Variants in HS3ST4 observed in about 807,000 individuals in gnomAD.
HS3ST4 encodes the protein heparan sulfate glucosamine 3-O-sulfotransferase 4.
A neutral mutation model predicts 29.2 loss-of-function variants in HS3ST4; 17 were observed. The observed-to-expected ratio is 0.58, with a 90% CI of 0.40 to 0.87. The LOEUF (loss-of-function observed/expected upper bound fraction) is 0.87. Ranked by LOEUF, HS3ST4 falls within the 40% of genes least tolerant of loss-of-function variation. The probability of loss-of-function intolerance (pLI) is 0.00; values close to 1 mark genes in which losing one functional copy is unlikely to be tolerated. For synonymous variants in HS3ST4, 314 were observed against 285.7 expected (o/e 1.10, Z -1.00); for missense variants, 627 against 634.5 (o/e 0.99, Z 0.13).
In HS3ST4 at chr16:26,124,677, A is replaced by C. The variant is rs184812440; in HGVS notation, c.735-10935A>C. On this transcript the variant is annotated intron_variant, in intron 1 of 1. Transcript: ENST00000331351. Reference sequence around the variant, plus strand: ...ACCAGAGAAAGTGCCACTTGCCCTGAATCCAACAAGCCAGTTTCTCTTTGG... The same window carrying C: ...ACCAGAGAAAGTGCCACTTGCCCTGCATCCAACAAGCCAGTTTCTCTTTGG... 1.9e-3 allele frequency among the ~76,000 whole-genome samples: 296 copies of C among 152,350 alleles called. 2 individuals are homozygous for C. The South Asian group carries it at 0.022, about 11-fold the overall frequency.
At chr16:25,929,530 G>A (rs1484947897) in intron 1 of HS3ST4, among the ~76,000 whole-genome samples, 1 of 152,186 alleles carries the variant, frequency 6.6e-6, no homozygotes, top group Non-Finnish European at 1.5e-5. Context: ...GAAGACCAAA[G>A]ACAGGAAGAC....
chr16:25,749,378 C>T (rs978019706), intron 1 of HS3ST4, among the ~76,000 whole-genome samples: 5 of 152,072 alleles, frequency 3.3e-5, no homozygotes, highest in Non-Finnish European at 7.4e-5. Context: ...ACCTGTAGTT[C>T]CAGCTACTTG....
At position 25,692,796 on chromosome 16, in the gene HS3ST4, G is replaced by A. The variant is rs1333348363; in HGVS notation, c.379G>A (p.Gly127Arg). Reference sequence around the variant, plus strand: ...AGCCGCCCCCGGGACCGACGGCTGGGGGCTGCCGAGCGGCGGCGGAGGCGC... The same window carrying A: ...AGCCGCCCCCGGGACCGACGGCTGGAGGCTGCCGAGCGGCGGCGGAGGCGC... ...QPAAPGTDGW[G>R]LPSGGGGAQD... Residue 127 changes from glycine (G) to arginine (R), a missense_variant, in exon 1 of 2, where the codon GGG (glycine) becomes AGG (arginine). Physicochemically the swap from Gly to Arg is moderately radical, Grantham distance 125. Coordinates refer to ENST00000331351, the MANE Select transcript of HS3ST4 (RefSeq NM_006040.3). The A allele has an allele frequency of 1.4e-6, 2 of 1,379,864 alleles. No individual in the cohort carries two copies. The highest frequency in any genetic ancestry group is 2.6e-4 in the Middle Eastern group (1 of 3,802). 85.5% of individuals were successfully genotyped at this position (1,379,864 alleles called of 1,614,324 possible). A position where few individuals can be genotyped will look rare whatever the true frequency, so the allele number is the denominator to read the frequency against.
At chr16:26,091,874 G>A (rs373037374) in intron 1 of HS3ST4, among the ~76,000 whole-genome samples, 11 of 152,218 alleles carry the variant, frequency 7.2e-5, no homozygotes, top group East Asian at 1.9e-4. Flanking sequence ...TTTATTGAGC[G>A]CCTGCTCTGT....
At chr16:25,720,387 T>C (rs1326525794) in intron 1 of HS3ST4, among the ~76,000 whole-genome samples, 1 of 152,166 alleles carries the variant, frequency 6.6e-6, no homozygotes, top group Non-Finnish European at 1.5e-5. Flanking sequence ...ACAGAAGGTA[T>C]ACATGATATG....
chr16:25,998,582 TTG>T (rs1969177388), intron 1 of HS3ST4, among the ~76,000 whole-genome samples: 1 of 152,208 alleles, frequency 6.6e-6, no homozygotes, highest in Non-Finnish European at 1.5e-5. Flanking sequence ...ATTCTTGATC[TTG>T]TCATTTATTT....
chr16:25,983,681 G>T (rs4340330), intron 1 of HS3ST4, among the ~76,000 whole-genome samples: 142,018 of 152,274 alleles, frequency 0.93, 66,366 homozygotes, highest in African/African-American at 0.97. Context: ...TAGATTCTAA[G>T]CCATACATAG....
chr16:26,009,513 T>A (rs4569285), intron 1 of HS3ST4, among the ~76,000 whole-genome samples: 8 of 152,000 alleles, frequency 5.3e-5, no homozygotes, highest in Non-Finnish European at 1.0e-4. Flanking sequence ...CAAATACCAG[T>A]GACTTAACAC....
At chr16:26,032,821 G>T in intron 1 of HS3ST4, 2 of 1,571,582 alleles carry the variant, frequency 1.3e-6, no homozygotes, top group South Asian at 1.1e-5. Context: ...TGGTGGTGGC[G>T]GCGACGGCAG....
intron 1 of HS3ST4, among the ~76,000 whole-genome samples, chr16:25,983,420 G>T (rs1969029086): frequency 6.6e-6 from 1 of 152,216 alleles, no homozygotes; most frequent in African/African-American, 2.4e-5. Context: ...TTAGGGCAAG[G>T]CTTGCCCTGT....
chr16:25,713,499 G>A (rs1966430780), intron 1 of HS3ST4, among the ~76,000 whole-genome samples: 1 of 151,790 alleles, frequency 6.6e-6, no homozygotes, highest in South Asian at 2.1e-4. Flanking sequence ...CTGCACTCCA[G>A]CCTGGGTGAC....
At position 26,132,149 on chromosome 16, in the gene HS3ST4, C is replaced by A. The variant is rs111684952; in HGVS notation, c.735-3463C>A. Reference sequence around the variant, plus strand: ...GCTTAGTGGAGGAAGGGACTGCATCCGTTTTGTTTACTGTTACATTACCCA... The same window carrying A: ...GCTTAGTGGAGGAAGGGACTGCATCAGTTTTGTTTACTGTTACATTACCCA... On this transcript the variant is annotated intron_variant, in intron 1 of 1. Coordinates refer to ENST00000331351, the MANE Select transcript of HS3ST4 (RefSeq NM_006040.3). Among the ~76,000 whole-genome samples, 678 of 152,176 alleles carry A rather than the reference C, an allele frequency of 4.5e-3. 4 individuals are homozygous for A. The highest frequency in any genetic ancestry group is 6.9e-3 in the Non-Finnish European group (470 of 68,010).
At chr16:25,891,532 T>C (rs1968007800) in intron 1 of HS3ST4, among the ~76,000 whole-genome samples, 1 of 152,160 alleles carries the variant, frequency 6.6e-6, no homozygotes, top group African/African-American at 2.4e-5. Context: ...TTACATGTGG[T>C]ATCACCATTT....
intron 1 of HS3ST4, among the ~76,000 whole-genome samples, chr16:26,071,914 G>A (rs536100373): frequency 3.8e-4 from 58 of 152,264 alleles, no homozygotes; most frequent in Non-Finnish European, 7.2e-4. Context: ...GAACACTCAC[G>A]AGGGGTCTCA....
chr16:26,084,304 C>G (rs1898758833), intron 1 of HS3ST4, among the ~76,000 whole-genome samples: 2 of 152,166 alleles, frequency 1.3e-5, no homozygotes, highest in Non-Finnish European at 2.9e-5. Flanking sequence ...TTATGAGGCT[C>G]CAGCTTATCC....
chr16:25,997,547 C>G (rs1032288955), intron 1 of HS3ST4, among the ~76,000 whole-genome samples: 2 of 152,176 alleles, frequency 1.3e-5, no homozygotes, highest in Admixed American at 6.5e-5. Flanking sequence ...CTCTTCATCT[C>G]TTAATTGTGA....
chr16:25,976,415 T>G (rs1400575158), intron 1 of HS3ST4, among the ~76,000 whole-genome samples: 3 of 152,128 alleles, frequency 2.0e-5, no homozygotes, highest in African/African-American at 7.2e-5. Context: ...AGGCAACCTT[T>G]TCACCTCTGC....
At chr16:26,002,688 AAAAG>A (rs926659981) in intron 1 of HS3ST4, among the ~76,000 whole-genome samples, 2 of 148,576 alleles carry the variant, frequency 1.3e-5, no homozygotes, top group Admixed American at 6.7e-5. Context: ...AGATAGAGAA[AAAAG>A]AAGGAAGGAA....
At chr16:25,825,383 C>A (rs1967204699) in intron 1 of HS3ST4, 2 of 152,144 alleles carry the variant, frequency 1.3e-5, no homozygotes, top group Non-Finnish European at 2.9e-5. Context: ...TACTGGGGTT[C>A]CCCTAGTTGC....
Sources: allele counts gnomAD v4.1 joint callset (sites outside exome capture counted in the v4.1 genomes callset), GRCh38; gene constraint gnomAD v4.1.1; transcripts MANE v1.5; gene names NCBI Gene and HGNC (gene_info 2026-07-23, HGNC 2026-07-21).